The following DROSHA variants were observed in gnomAD, a reference collection of about 807,000 sequenced individuals.
The protein encoded by DROSHA is ribonuclease 3.
DROSHA carries 56 observed loss-of-function variants against 181.9 expected under a neutral mutation model. The observed-to-expected ratio is 0.31, with a 90% confidence interval of 0.25 to 0.38. The LOEUF (loss-of-function observed/expected upper bound fraction) is 0.38. Among genes scored for constraint, DROSHA ranks in the 10% least tolerant of loss-of-function variants. The pLI is 1.00. For missense variants in DROSHA, 1,218 were observed against 1,743.5 expected (o/e 0.70, Z 5.37); for synonymous variants, 524 against 591.2 (o/e 0.89, Z 1.65).
chr5:31,529,201 G>T, intron 3 of DROSHA, 96 bp from the exon 4 acceptor site: 1 of 1,024,200 alleles, frequency 9.8e-7, no homozygotes, highest in Non-Finnish European at 1.4e-6. Context: ...TAATTTTGTA[G>T]TTTCCAATAC....
intron 21 of DROSHA, among the ~76,000 whole-genome samples, 157 bp from the exon 22 acceptor site, chr5:31,449,576 A>AC (rs1351913569): frequency 1.3e-5 from 2 of 152,064 alleles, no homozygotes; most frequent in African/African-American, 4.8e-5. Context: ...AAAAATAAAA[A>AC]ATTAGGCTGG....
chr5:31,513,069 A>G (rs1011481761), intron 8 of DROSHA, among the ~76,000 whole-genome samples: 2 of 152,220 alleles, frequency 1.3e-5, no homozygotes, highest in African/African-American at 4.8e-5. Flanking sequence ...CTGTCATGGC[A>G]GTAAGGAAAA....
chr5:31,477,063 G>A (rs1370506768), intron 16 of DROSHA, among the ~76,000 whole-genome samples: 1 of 152,186 alleles, frequency 6.6e-6, no homozygotes, highest in African/African-American at 2.4e-5. Context: ...AAGGTTAGCA[G>A]GAATTCCGCC....
At chr5:31,417,187 T>C (rs1052529647) in intron 30 of DROSHA, among the ~76,000 whole-genome samples, 1 of 152,132 alleles carries the variant, frequency 6.6e-6, no homozygotes, top group African/African-American at 2.4e-5. Flanking sequence ...GATTTGGCCG[T>C]ATAGATTACC....
intron 3 of DROSHA, among the ~76,000 whole-genome samples, chr5:31,529,734 C>CAAAAAAAAAAA (rs70955715): frequency 2.2e-4 from 20 of 91,310 alleles, no homozygotes; most frequent in Non-Finnish European, 2.8e-4. Flanking sequence ...AAAAAACAAA[C>CAAAAAAAAAAA]AAAAAAAAAA....
At chr5:31,435,949 C>A (rs983403549) in intron 24 of DROSHA, 85 bp from the exon 25 acceptor site, 2 of 1,243,664 alleles carry the variant, frequency 1.6e-6, no homozygotes, top group African/African-American at 3.0e-5. Context: ...AGGGCTGGCA[C>A]ACAGTAGCTG....
At chr5:31,475,034 C>T (rs1750207779) in intron 16 of DROSHA, among the ~76,000 whole-genome samples, 1 of 152,080 alleles carries the variant, frequency 6.6e-6, no homozygotes, top group Non-Finnish European at 1.5e-5. Flanking sequence ...AAACACATTT[C>T]CACCTGGGCA....
intron 27 of DROSHA, 92 bp downstream of exon 27, chr5:31,429,383 C>G (rs1580059214): frequency 5.7e-6 from 7 of 1,236,370 alleles, no homozygotes; most frequent in Non-Finnish European, 7.9e-6. Flanking sequence ...TTTTGTTTCT[C>G]CTATATTCTC....
chr5:31,460,956 T>C (rs919658738), intron 20 of DROSHA, among the ~76,000 whole-genome samples: 4 of 152,074 alleles, frequency 2.6e-5, no homozygotes, highest in African/African-American at 9.7e-5. Context: ...TTACAGGTTT[T>C]ATTAAACATT....
intron 35 of DROSHA, among the ~76,000 whole-genome samples, chr5:31,404,084 ATTTT>A (rs57056439): frequency 6.9e-6 from 1 of 144,548 alleles, no homozygotes; most frequent in African/African-American, 2.5e-5. Flanking sequence ...AGCCTGGCTA[ATTTT>A]TTTTTTTTTT....
chr5:31,454,165 A>G (rs1284295175), intron 20 of DROSHA, among the ~76,000 whole-genome samples: 1 of 152,198 alleles, frequency 6.6e-6, no homozygotes, highest in East Asian at 1.9e-4. Flanking sequence ...CACCGCAAAT[A>G]ACCCAAACTG....
intron 4 of DROSHA, among the ~76,000 whole-genome samples, chr5:31,528,645 A>C (rs565367127): frequency 1.8e-4 from 27 of 152,292 alleles, no homozygotes; most frequent in African/African-American, 6.5e-4. Context: ...GGCTATTATA[A>C]TAATATCCTT....
chr5:31,474,042 A>G (rs918942278), intron 16 of DROSHA, among the ~76,000 whole-genome samples: 10 of 152,248 alleles, frequency 6.6e-5, no homozygotes, highest in Non-Finnish European at 1.3e-4. Flanking sequence ...CAGGAAGCAC[A>G]TAGGCTAATA....
chr5:31,517,678 C>T (rs1424332832), intron 6 of DROSHA, among the ~76,000 whole-genome samples: 8 of 152,104 alleles, frequency 5.3e-5, no homozygotes, highest in Non-Finnish European at 2.9e-5. Flanking sequence ...ACCTTTAATA[C>T]TTCCAGAGTA....
Position 31,411,367 on chromosome 5 carries a change from T to C in DROSHA, c.3526-480A>G, listed in dbSNP as rs1010097817. ...TATCACTCCAAACAAATTCCCAGCA[T>C]CTCCATGCAGTGAATCCTTCCCAAC... On this transcript the variant is annotated intron_variant, in intron 30 of 35. Coordinates refer to ENST00000344624, the MANE Select transcript of DROSHA (RefSeq NM_001382508.1). This position sits in a 1 kb window ranked among gnomAD's most constrained non-coding sequence, Gnocchi z 4.2. 5.3e-5 allele frequency among the ~76,000 whole-genome samples: 8 copies of C among 152,096 alleles called. No homozygotes were observed. The highest frequency in any genetic ancestry group is 1.4e-4 in the African/African-American group (6 of 41,420).
At chr5:31,444,081 A>G (rs186807156) in intron 23 of DROSHA, among the ~76,000 whole-genome samples, 189 of 152,346 alleles carry the variant, frequency 1.2e-3, no homozygotes, top group African/African-American at 4.3e-3. Context: ...ACAAGGTTAC[A>G]TGGGCACGAC....
Position 31,521,420 on chromosome 5 carries a change from T to C in DROSHA, c.855-205A>G, listed in dbSNP as rs113072861. Among the ~76,000 whole-genome samples, 740 of 152,268 alleles carry C rather than the reference T, an allele frequency of 4.9e-3. 8 individuals are homozygous for C. Among genetic ancestry groups the C allele is most frequent in the African/African-American group, 0.017 (704 of 41,538 alleles). On this transcript the variant is annotated intron_variant, in intron 5 of 35. Coordinates refer to ENST00000344624, the MANE Select transcript of DROSHA (RefSeq NM_001382508.1). ...ACAGAAGTTAACTAACTTGGAGAAT[T>C]TTTGCAGTTTTCTTTAAAGAAAGAA... is the stretch of plus-strand genomic sequence containing the variant.
At chr5:31,418,479 G>A (rs1742247057) in intron 30 of DROSHA, among the ~76,000 whole-genome samples, 1 of 152,080 alleles carries the variant, frequency 6.6e-6, no homozygotes, top group Admixed American at 6.5e-5. Context: ...ATGTTGCACA[G>A]GCTGGTCTTA....
chr5:31,520,475 T>C (rs1739765652), intron 6 of DROSHA, among the ~76,000 whole-genome samples: 1 of 152,204 alleles, frequency 6.6e-6, no homozygotes, highest in South Asian at 2.1e-4. Flanking sequence ...ACCATTTATT[T>C]GGCACTTACT....
Sources: gnomAD v4.1 joint callset for allele counts (sites outside exome capture counted in the v4.1 genomes callset) on GRCh38, gnomAD v4.1.1 for gene constraint, Gnocchi (gnomAD v3.1) non-coding constraint, MANE v1.5 for transcripts, NCBI Gene and HGNC (gene_info 2026-07-23, HGNC 2026-07-21) for gene names.